The following DPP6 variants were observed in gnomAD, a reference collection of about 807,000 sequenced individuals.
DPP6 encodes the protein dipeptidyl peptidase like 6.
In DPP6, 69 loss-of-function variants were observed where a neutral mutation model predicts 122.6. That is an observed-to-expected ratio of 0.56 (90% CI 0.46 to 0.69). The LOEUF is 0.69. DPP6 is among the 30% of genes least tolerant of loss of function. The pLI is 0.00. For missense variants in DPP6, 928 were observed against 1,116.9 expected, an observed-to-expected ratio of 0.83 and a Z score of 2.41; for synonymous variants, 418 against 433.1, an observed-to-expected ratio of 0.97 and a Z score of 0.43.
intron 21 of DPP6, chr7:154,884,271 TAC>T (rs748530842): frequency 7.2e-6 from 1 of 139,044 alleles, no homozygotes; most frequent in Admixed American, 7.1e-5. Context: ...TGCTCACACA[TAC>T]ACATACATGC....
At chr7:154,328,204 G>T (rs1047480637) in intron 1 of DPP6, among the ~76,000 whole-genome samples, 22 of 152,176 alleles carry the variant, frequency 1.4e-4, no homozygotes, top group African/African-American at 3.6e-4. Flanking sequence ...TGTGATCAGG[G>T]TTAGAAAGCA....
At chr7:154,824,753 C>A (rs1043990699) in intron 16 of DPP6, among the ~76,000 whole-genome samples, 1 of 152,222 alleles carries the variant, frequency 6.6e-6, no homozygotes, top group South Asian at 2.1e-4. Context: ...GCTTCCCTGG[C>A]TGTGCATTTC....
rs71184038 is a variant in DPP6 at position 154,821,628 on chromosome 7, G to GTATA, written c.1666+14531_1666+14534dup. Among the ~76,000 whole-genome samples the GTATA allele has an allele frequency of 0.019, 1,315 of 68,044 alleles. 26 individuals carry two copies. The highest frequency in any genetic ancestry group is 0.11 in the East Asian group (245 of 2,178). The allele number at this position is 68,044 out of a possible 152,430, so 44.6% of individuals were successfully genotyped here. A position where few individuals can be genotyped will look rare whatever the true frequency, so the allele number is the denominator to read the frequency against. On this transcript the variant is annotated intron_variant, in intron 16 of 25. Transcript: ENST00000377770. This position sits in a 1 kb window ranked among gnomAD's most constrained non-coding sequence, Gnocchi z 4.2. ...ATATATATATATATATTTTTTTTCT[G>GTATA]TATATATATATATATATACACATAT...
chr7:154,533,632 A>T (rs1828015945), intron 3 of DPP6, among the ~76,000 whole-genome samples: 1 of 152,070 alleles, frequency 6.6e-6, no homozygotes, highest in African/African-American at 2.4e-5. Flanking sequence ...AAATCACAAG[A>T]AAAAAAAGAA....
intron 10 of DPP6, among the ~76,000 whole-genome samples, chr7:154,782,576 A>G (rs1374030813): frequency 6.6e-6 from 1 of 152,088 alleles, no homozygotes; most frequent in African/African-American, 2.4e-5. Context: ...ATGGAGATCT[A>G]TAGTTAAATA....
intron 12 of DPP6, among the ~76,000 whole-genome samples, chr7:154,799,214 C>T (rs1008992529): frequency 3.9e-5 from 6 of 152,174 alleles, no homozygotes; most frequent in African/African-American, 7.2e-5. Flanking sequence ...TCATCTGAGC[C>T]GTTCATCCTC....
At chr7:154,247,907 A>T (rs1262196624) in intron 1 of DPP6, among the ~76,000 whole-genome samples, 1 of 152,202 alleles carries the variant, frequency 6.6e-6, no homozygotes. Flanking sequence ...GTGAACTGTT[A>T]TTGTGTTAGT....
the DPP6 span, among the ~76,000 whole-genome samples, chr7:153,856,474 CTTTTA>C: frequency 2.0e-5 from 3 of 152,140 alleles, no homozygotes; most frequent in Admixed American, 6.5e-5. Context: ...ATCCTATTTA[CTTTTA>C]TTTAATTCAT....
chr7:153,995,588 CA>C (rs55905154), intron 1 of DPP6, among the ~76,000 whole-genome samples: 27 of 88,940 alleles, frequency 3.0e-4, no homozygotes, highest in Middle Eastern at 9.1e-3. Flanking sequence ...GACTCCGTCT[CA>C]AAAAAAAAAA....
chr7:154,066,050 T>G (rs1440580746), intron 1 of DPP6, among the ~76,000 whole-genome samples: 4 of 147,790 alleles, frequency 2.7e-5, no homozygotes, highest in African/African-American at 7.4e-5. Context: ...TTTGTTTTTT[T>G]TTTTTTTTAC....
chr7:154,489,050 C>G (rs533885196), intron 3 of DPP6, among the ~76,000 whole-genome samples: 5 of 152,198 alleles, frequency 3.3e-5, no homozygotes, highest in African/African-American at 4.8e-5. Context: ...CCGATATGAA[C>G]AGCACGGCTT....
At chr7:154,512,294 A>G (rs183111503) in intron 3 of DPP6, among the ~76,000 whole-genome samples, 1 of 152,286 alleles carries the variant, frequency 6.6e-6, no homozygotes, top group African/African-American at 2.4e-5. Context: ...ATTTTTCTCT[A>G]TTCCTGGTGA....
At chr7:154,847,339 A>G (rs1291571438) in intron 16 of DPP6, among the ~76,000 whole-genome samples, 2 of 152,242 alleles carry the variant, frequency 1.3e-5, no homozygotes, top group Admixed American at 6.5e-5. Flanking sequence ...TATCTTTTAA[A>G]TATGCAGAGA....
At chr7:154,528,880 G>A (rs1827624764) in intron 3 of DPP6, among the ~76,000 whole-genome samples, 1 of 152,164 alleles carries the variant, frequency 6.6e-6, no homozygotes, top group Non-Finnish European at 1.5e-5. Flanking sequence ...GCAGTGTGAG[G>A]GAGTGCAGAG....
At chr7:154,773,067 T>TTCC (rs772006383) in intron 10 of DPP6, 125 bp downstream of exon 10, 3 of 1,194,076 alleles carry the variant, frequency 2.5e-6, no homozygotes, top group Non-Finnish European at 3.3e-6. Context: ...AAAGGTACCT[T>TTCC]TCCTAAAGAT....
chr7:153,785,383 A>G, the DPP6 span, among the ~76,000 whole-genome samples: 11,149 of 152,210 alleles, frequency 0.073, 1,334 homozygotes, highest in African/African-American at 0.25. Context: ...GGTCTGGCAC[A>G]AGGGGATCCA....
At chr7:153,935,686 G>A (rs1206575225) in intron 1 of DPP6, among the ~76,000 whole-genome samples, 3 of 152,170 alleles carry the variant, frequency 2.0e-5, no homozygotes, top group Non-Finnish European at 4.4e-5. Flanking sequence ...CTCAGGCTCC[G>A]TTGCAGAGGC....
At chr7:154,357,813 ATG>A (rs1811396288) in intron 1 of DPP6, among the ~76,000 whole-genome samples, 1 of 152,098 alleles carries the variant, frequency 6.6e-6, no homozygotes, top group Non-Finnish European at 1.5e-5. Flanking sequence ...CCGATGGCAC[ATG>A]CCTGTAATCC....
At chr7:154,510,888 G>C (rs768642631) in intron 3 of DPP6, among the ~76,000 whole-genome samples, 1 of 147,106 alleles carries the variant, frequency 6.8e-6, no homozygotes, top group Non-Finnish European at 1.5e-5. Context: ...TCACTCTCGT[G>C]CTCTCTCTCT....
Sources: allele counts gnomAD v4.1 joint callset (sites outside exome capture counted in the v4.1 genomes callset), GRCh38; gene constraint gnomAD v4.1.1; non-coding constraint Gnocchi (gnomAD v3.1); transcripts MANE v1.5; gene names NCBI Gene and HGNC (gene_info 2026-07-23, HGNC 2026-07-21).